Variants in TESPA1 observed in about 807,000 individuals in gnomAD.
The protein encoded by TESPA1 is thymocyte expressed, positive selection associated 1.
Under a neutral mutation model 57.9 loss-of-function variants are expected in TESPA1, and 33 were observed. That is an observed-to-expected ratio of 0.57 (90% CI 0.43 to 0.76). TESPA1 has a LOEUF of 0.76. Ranked by LOEUF, TESPA1 falls within the 30% of genes least tolerant of loss-of-function variation. TESPA1 has a pLI of 0.00. For synonymous variants in TESPA1, 227 were observed against 228.9 expected (o/e 0.99, Z 0.07); for missense variants, 618 against 632.9 (o/e 0.98, Z 0.25).
intron 10 of TESPA1, among the ~76,000 whole-genome samples, chr12:54,958,986 T>C (rs1950907444): frequency 6.6e-6 from 1 of 152,252 alleles, no homozygotes; most frequent in Non-Finnish European, 1.5e-5. Context: ...CCCTGTCATA[T>C]CTGAGACTGG....
At chr12:54,969,815 A>G (rs1371312213) in intron 3 of TESPA1, among the ~76,000 whole-genome samples, 1 of 152,212 alleles carries the variant, frequency 6.6e-6, no homozygotes, top group African/African-American at 2.4e-5. Flanking sequence ...TGGAAGCAGG[A>G]TAGTGAACGA....
At position 54,961,246 on chromosome 12, in the gene TESPA1, C is replaced by T. The variant is rs1951056805; in HGVS notation, c.1489G>A (p.Glu497Lys). Residue 497 changes from glutamate (E) to lysine (K), a missense_variant, in exon 10 of 11, where the codon GAG becomes AAG. Physicochemically the swap from Glu to Lys is moderately conservative, Grantham distance 56. This residue lies in a region of TESPA1 where 409 missense variants were observed against 420.1 expected (regional missense o/e 0.97). Coordinates refer to ENST00000449076, the MANE Select transcript of TESPA1 (RefSeq NM_001136030.3). ...LEEVQSNSEE[E>K]QSQSRWPSRP... ...CTGGGCCAGCGACTCTGACTCTGCT[C>T]CTCCTCACTGTTGCTTTGCACCTGT... 6.2e-7 allele frequency: 1 copy of T among 1,613,970 alleles called. No individual in the cohort carries two copies. Among genetic ancestry groups the T allele is most frequent in the African/African-American group, 1.3e-5 (1 of 75,024 alleles).
intron 1 of TESPA1, among the ~76,000 whole-genome samples, chr12:54,975,208 G>GAA (rs34381094): frequency 6.9e-6 from 1 of 144,690 alleles, no homozygotes; most frequent in African/African-American, 2.5e-5. Flanking sequence ...ATTTCTCTCA[G>GAA]AAAAAAAAAA....
At chr12:54,961,142 G>A (rs759888895) in intron 10 of TESPA1, 26 bp downstream of exon 10, 1 of 1,612,660 alleles carries the variant, frequency 6.2e-7, no homozygotes, top group South Asian at 1.1e-5. Flanking sequence ...CCAGGTTTGA[G>A]AACTGCCTGA....
At chr12:54,965,526 C>A (rs1295401029) in intron 7 of TESPA1, among the ~76,000 whole-genome samples, 1 of 152,152 alleles carries the variant, frequency 6.6e-6, no homozygotes, top group Non-Finnish European at 1.5e-5. Context: ...GACACGAACG[C>A]GTTCCTTTTA....
At chr12:54,981,079 C>T (rs904794069) in intron 1 of TESPA1, among the ~76,000 whole-genome samples, 2 of 152,150 alleles carry the variant, frequency 1.3e-5, no homozygotes, top group African/African-American at 2.4e-5. Flanking sequence ...GCCACCACAC[C>T]TAGTCTATAC....
In TESPA1 at chr12:54,948,937, T is replaced by C. The variant is rs985373725; in HGVS notation, c.*1455A>G. The C allele has an allele frequency of 3.3e-5, 5 of 152,212 alleles. No homozygotes were observed. The highest frequency in any genetic ancestry group is 1.2e-4 in the African/African-American group (5 of 41,452). 9.4% of individuals were successfully genotyped at this position (152,212 alleles called of 1,614,324 possible). A position where few individuals can be genotyped will look rare whatever the true frequency, so the allele number is the denominator to read the frequency against. On this transcript the variant is annotated 3_prime_UTR_variant, in exon 11 of 11. Transcript: ENST00000449076. ...CTGTAGTTCTTTCTATTTCTTGAGA[T>C]CTAAATCTTCTTCCAGCCTCTTCCC...
Position 54,962,640 on chromosome 12 carries a change from T to C in TESPA1, c.1258A>G (p.Asn420Asp), listed in dbSNP as rs1951160144. 1.9e-6 allele frequency: 3 copies of C among 1,613,986 alleles called. No homozygotes were observed. Among genetic ancestry groups the C allele is most frequent in the Middle Eastern group, 1.6e-4 (1 of 6,062 alleles). ...RRELCSLPAT[N>D]TETHPAKDET... ...TCCTTGGCTGGATGGGTTTCCGTAT[T>C]GGTGGCTGGTAGACTACACAGCTCT... The change falls in exon 9 of 11, where the codon AAT becomes GAT. Residue 420 changes from asparagine to aspartate, a missense_variant. Around this residue, in one of 3 missense-constraint regions of TESPA1, gnomAD observed 409 missense variants for 420.1 expected, o/e 0.97. Transcript: ENST00000449076.
rs35744508 is a variant in TESPA1, at chr12:54,949,088, T to TG, written c.*1303dup. Reference sequence around the variant, plus strand: ...GGTGGGAAGGGTAGGAAACTTGGAGTGGGGGGGCTTTTTCCAAATTGTGAA... The same window carrying TG: ...GGTGGGAAGGGTAGGAAACTTGGAGTGGGGGGGGCTTTTTCCAAATTGTGAA... On this transcript the variant is annotated 3_prime_UTR_variant, in exon 11 of 11. Transcript: ENST00000449076. The TG allele has an allele frequency of 2.6e-5, 4 of 151,818 alleles. No homozygotes were observed. The highest frequency in any genetic ancestry group is 7.3e-5 in the African/African-American group (3 of 41,268). 9.4% of individuals were successfully genotyped at this position (151,818 alleles called of 1,614,324 possible).
At chr12:54,976,105 G>A (rs182459675) in intron 1 of TESPA1, among the ~76,000 whole-genome samples, 214 of 152,276 alleles carry the variant, frequency 1.4e-3, no homozygotes, top group African/African-American at 4.6e-3. Flanking sequence ...AAGAAGCCTC[G>A]AAGAGGAGTA....
rs1394710491 is a variant in TESPA1, at chr12:54,950,342, T to C, written c.*50A>G. On this transcript the variant is annotated 3_prime_UTR_variant, in exon 11 of 11. Transcript: ENST00000449076. ...CAAGAGGTGGCTTTTAGTTTCTTCTTTGAAGCCAATTCTGTCAGACCACAT... is the reference window on the plus strand; with the variant it reads ...CAAGAGGTGGCTTTTAGTTTCTTCTCTGAAGCCAATTCTGTCAGACCACAT... 1 of 456,948 alleles carries C rather than the reference T, an allele frequency of 2.2e-6. No individual in the cohort carries two copies. The highest frequency in any genetic ancestry group is 1.5e-5 in the South Asian group (1 of 64,554). 28.3% of individuals were successfully genotyped at this position (456,948 alleles called of 1,614,324 possible).
intron 9 of TESPA1, 32 bp downstream of exon 9, chr12:54,962,399 G>T: frequency 2.5e-6 from 4 of 1,593,802 alleles, no homozygotes; most frequent in Non-Finnish European, 1.7e-6. Context: ...GCCTTTCTCT[G>T]CCAGTCTCTC....
chr12:54,950,762 T>G (rs185962277), intron 10 of TESPA1, among the ~76,000 whole-genome samples: 1 of 152,224 alleles, frequency 6.6e-6, no homozygotes, highest in Admixed American at 6.5e-5. Context: ...ATGCATTTTC[T>G]ATTAATAAGT....
Position 54,961,204 on chromosome 12 carries a change from G to A in TESPA1, c.1531C>T (p.His511Tyr). ...TTGCCAGCAAAAGTCTGGTGGTGGTGGGGGTGCCTGGGTCTGCTGGGCCAG... is the reference window on the plus strand; with the variant it reads ...TTGCCAGCAAAAGTCTGGTGGTGGTAGGGGTGCCTGGGTCTGCTGGGCCAG... ...SRWPSRPRHP[H>Y]HHQTFAGKDS The change falls in exon 10 of 11, where the codon CAC becomes TAC. Residue 511 changes from histidine (H) to tyrosine (Y), a missense_variant. Coordinates refer to ENST00000449076, the MANE Select transcript of TESPA1 (RefSeq NM_001136030.3). 6.2e-7 allele frequency: 1 copy of A among 1,613,970 alleles called. No homozygotes were observed. Among genetic ancestry groups the A allele is most frequent in the Non-Finnish European group, 8.5e-7 (1 of 1,179,886 alleles).
chr12:54,951,242 GT>G (rs1950368380), intron 10 of TESPA1, among the ~76,000 whole-genome samples: 1 of 152,188 alleles, frequency 6.6e-6, no homozygotes, highest in Non-Finnish European at 1.5e-5. Flanking sequence ...TTAAAAGTGT[GT>G]AGCTCTTCCC....
At chr12:54,972,200 T>C (rs1005733238) in intron 3 of TESPA1, among the ~76,000 whole-genome samples, 2 of 152,238 alleles carry the variant, frequency 1.3e-5, no homozygotes, top group East Asian at 3.8e-4. Context: ...TTTATCTTTG[T>C]AGAGCATGAG....
intron 1 of TESPA1, among the ~76,000 whole-genome samples, chr12:54,977,426 G>C (rs1253699147): frequency 6.6e-6 from 1 of 152,216 alleles, no homozygotes; most frequent in African/African-American, 2.4e-5. Flanking sequence ...GGAGAAAAGA[G>C]AGATGGTTAT....
chr12:54,984,229 T>C (rs1411723983), intron 1 of TESPA1: 1 of 152,110 alleles, frequency 6.6e-6, no homozygotes, highest in Non-Finnish European at 1.5e-5. Flanking sequence ...AGATGGAAAT[T>C]GCAGCAACAA....
chr12:54,969,633 TAATAAG>T, intron 3 of TESPA1, among the ~76,000 whole-genome samples: 2 of 152,214 alleles, frequency 1.3e-5, no homozygotes, highest in Middle Eastern at 6.8e-3. Context: ...TATTACACAA[TAATAAG>T]AATGAGTTAC....
Sources: gnomAD v4.1 joint callset for allele counts (sites outside exome capture counted in the v4.1 genomes callset) on GRCh38, gnomAD v4.1.1 for gene constraint, gnomAD v4.1.1 regional missense constraint, MANE v1.5 for transcripts, NCBI Gene and HGNC (gene_info 2026-07-23, HGNC 2026-07-21) for gene names.